BRINP1: variants seen among roughly 807,000 people sequenced by gnomAD.
BRINP1 encodes BMP/retinoic acid inducible neural specific 1, also known as BMP/retinoic acid-inducible neural-specific protein 1.
In BRINP1, 17 loss-of-function variants were observed where a neutral mutation model predicts 72.9. That is an observed-to-expected ratio of 0.23 (90% CI 0.16 to 0.35). The LOEUF (loss-of-function observed/expected upper bound fraction) is 0.35. Ranked by LOEUF, BRINP1 falls within the 10% of genes least tolerant of loss-of-function variation. The pLI is 1.00. For synonymous variants in BRINP1, 418 were observed against 378.5 expected (o/e 1.10, Z -1.21); for missense variants, 850 against 1,001.6 (o/e 0.85, Z 2.04).
chr9:119,178,304 G>A (rs1199570112), intron 7 of BRINP1, among the ~76,000 whole-genome samples: 1 of 152,196 alleles, frequency 6.6e-6, no homozygotes, highest in Non-Finnish European at 1.5e-5. Context: ...TGCAGAGACA[G>A]TGGGGGCAGA....
intron 7 of BRINP1, among the ~76,000 whole-genome samples, chr9:119,173,660 C>T (rs1311508032): frequency 1.4e-5 from 2 of 144,734 alleles, no homozygotes; most frequent in African/African-American, 5.3e-5. Flanking sequence ...TCATATGGAA[C>T]CAAAAAAGAG....
At chr9:119,367,216 TGA>T (rs1831701744) in intron 1 of BRINP1, among the ~76,000 whole-genome samples, 1 of 29,130 alleles carries the variant, frequency 3.4e-5, no homozygotes, top group South Asian at 3.2e-3. Context: ...TGTGTGTGTG[TGA>T]TTGATATATA....
intron 7 of BRINP1, among the ~76,000 whole-genome samples, chr9:119,186,150 G>T (rs1221349079): frequency 6.6e-6 from 1 of 152,142 alleles, no homozygotes; most frequent in Non-Finnish European, 1.5e-5. Flanking sequence ...GCCTAGGCTC[G>T]GTGGAGCAGG....
intron 2 of BRINP1, among the ~76,000 whole-genome samples, chr9:119,311,352 T>C (rs1347607161): frequency 6.6e-6 from 1 of 152,226 alleles, no homozygotes; most frequent in Non-Finnish European, 1.5e-5. Context: ...TAGACAGATA[T>C]CTTAGAAATC....
intron 2 of BRINP1, among the ~76,000 whole-genome samples, chr9:119,280,245 T>C (rs909544493): frequency 5.5e-5 from 6 of 109,160 alleles, no homozygotes; most frequent in East Asian, 3.7e-4. Context: ...AGTTTTTTTT[T>C]CTTTTTTTTT....
At chr9:119,198,564 T>C (rs1411674259) in intron 7 of BRINP1, among the ~76,000 whole-genome samples, 1 of 152,200 alleles carries the variant, frequency 6.6e-6, no homozygotes, top group Non-Finnish European at 1.5e-5. Flanking sequence ...TCGTGCTTTA[T>C]TTTACCCAAC....
At chr9:119,246,044 TCAGA>T (rs964020880) in intron 3 of BRINP1, among the ~76,000 whole-genome samples, 12 of 152,320 alleles carry the variant, frequency 7.9e-5, no homozygotes, top group Admixed American at 6.5e-4. Context: ...TTGTTAAGTG[TCAGA>T]CAGTGTGCTA....
chr9:119,246,592 C>T (rs1003750717), intron 3 of BRINP1, among the ~76,000 whole-genome samples: 3 of 152,076 alleles, frequency 2.0e-5, no homozygotes, highest in Admixed American at 6.6e-5. Flanking sequence ...CTATTAGTTC[C>T]GTCACTGTAG....
intron 1 of BRINP1, among the ~76,000 whole-genome samples, chr9:119,364,188 T>C (rs1048370838): frequency 1.3e-5 from 2 of 152,232 alleles, no homozygotes; most frequent in South Asian, 2.1e-4. Flanking sequence ...TGTGAAATAA[T>C]TATGTTTTCA....
Position 119,290,383 on chromosome 9 carries a change from A to C in BRINP1, c.218+22755T>G, listed in dbSNP as rs1043389750. On this transcript the variant is annotated intron_variant, in intron 2 of 7. Transcript: ENST00000265922. ...TGGTTACTATAAAATTATTATTATT[A>C]TTCTTGAGTGAACAAGAAAAATCAT... 2.6e-5 allele frequency among the ~76,000 whole-genome samples: 4 copies of C among 152,244 alleles called. No homozygotes were observed. In the South Asian group the frequency reaches 6.2e-4, roughly 24 times the overall value.
chr9:119,301,922 C>T (rs1253782798), intron 2 of BRINP1, among the ~76,000 whole-genome samples: 2 of 152,168 alleles, frequency 1.3e-5, no homozygotes, highest in African/African-American at 4.8e-5. Context: ...CATCTTTCAC[C>T]CATTAATCTA....
chr9:119,195,234 G>A (rs1312429574), intron 7 of BRINP1, among the ~76,000 whole-genome samples: 6 of 152,044 alleles, frequency 3.9e-5, no homozygotes, highest in Non-Finnish European at 8.8e-5. Flanking sequence ...CTTGTATCCC[G>A]CCTGGCACTT....
At position 119,358,360 on chromosome 9, in the gene BRINP1, T is replaced by C. The variant is rs189840809; in HGVS notation, c.-51+10696A>G. Among the ~76,000 whole-genome samples the C allele has an allele frequency of 1.6e-3, 238 of 147,508 alleles. 1 individual carries two copies. Among genetic ancestry groups the C allele is most frequent in the African/African-American group, 5.6e-3 (224 of 39,850 alleles). The stretch of plus-strand genomic sequence containing the variant: ...GTTCTAAAACCAACTCAGATACGGA[T>C]TGATCTTAAAAAGAGTTTATATGTA... On this transcript the variant is annotated intron_variant, in intron 1 of 7. Transcript: ENST00000265922.
chr9:119,244,960 T>C lies in BRINP1; in HGVS notation c.410-2744A>G, dbSNP rs1161972950. 1.3e-5 allele frequency among the ~76,000 whole-genome samples: 2 copies of C among 152,130 alleles called. 1 individual carries two copies. The highest frequency in any genetic ancestry group is 1.3e-4 in the Admixed American group (2 of 15,274). ...TATTACTTTTTGAGTCAATAGGAGATTTTGCTCCCAGATAGGAGATGAGGT... is the reference window on the plus strand; with the variant it reads ...TATTACTTTTTGAGTCAATAGGAGACTTTGCTCCCAGATAGGAGATGAGGT... On this transcript the variant is annotated intron_variant, in intron 3 of 7. Transcript: ENST00000265922.
intron 1 of BRINP1, among the ~76,000 whole-genome samples, chr9:119,352,268 T>C (rs924420740): frequency 2.6e-5 from 4 of 152,226 alleles, no homozygotes; most frequent in African/African-American, 4.8e-5. Context: ...GTTTCCTTCA[T>C]AGACATTTTT....
chr9:119,287,355 C>G (rs1189602060), intron 2 of BRINP1, among the ~76,000 whole-genome samples: 1 of 152,144 alleles, frequency 6.6e-6, no homozygotes, highest in Non-Finnish European at 1.5e-5. Context: ...TGGGAGTAGA[C>G]AGTTTTAAGT....
Position 119,167,402 on chromosome 9 carries a change from C to A in BRINP1, c.1968G>T (p.Gln656His). 6.2e-7 allele frequency: 1 copy of A among 1,614,060 alleles called. No homozygotes were observed. Among genetic ancestry groups the A allele is most frequent in the Non-Finnish European group, 8.5e-7 (1 of 1,179,964 alleles). Residue 656 changes from glutamine (Q) to histidine (H), a missense_variant, in exon 8 of 8, where the codon CAG (glutamine) becomes CAT (histidine). Transcript: ENST00000265922. The surrounding 1 kb of genome is among the most constrained non-coding windows in gnomAD (Gnocchi z 4.3). The stretch of plus-strand genomic sequence containing the variant: ...TGAACCTCAGGCTATACCCAAACAC[C>A]TGCACGTCTGAGATCTTGATGTAGA... ...RQFYIKISDV[Q>H]VFGYSLRFNA...
intron 1 of BRINP1, among the ~76,000 whole-genome samples, chr9:119,363,496 C>G (rs1207542296): frequency 6.6e-6 from 1 of 152,230 alleles, no homozygotes; most frequent in Non-Finnish European, 1.5e-5. Context: ...TCCAACATCA[C>G]TTTCTCAGAG....
intron 7 of BRINP1, among the ~76,000 whole-genome samples, chr9:119,186,951 G>C (rs1046522477): frequency 2.0e-5 from 3 of 151,922 alleles, no homozygotes; most frequent in African/African-American, 7.3e-5. Flanking sequence ...TGCCCTGCTG[G>C]CTCTCCAACC....
Sources: allele counts gnomAD v4.1 joint callset (sites outside exome capture counted in the v4.1 genomes callset), GRCh38; gene constraint gnomAD v4.1.1; non-coding constraint Gnocchi (gnomAD v3.1); transcripts MANE v1.5; gene names NCBI Gene and HGNC (gene_info 2026-07-23, HGNC 2026-07-21).